Variants in PPP1R9A observed in about 807,000 individuals in gnomAD.
PPP1R9A encodes protein phosphatase 1 regulatory subunit 9A, also known as neurabin-1.
PPP1R9A carries 59 observed loss-of-function variants against 141.9 expected under a neutral mutation model. The observed-to-expected ratio is 0.42, with a 90% CI of 0.34 to 0.52. The LOEUF (loss-of-function observed/expected upper bound fraction) is 0.52, where lower values mean the gene tolerates loss of function less well. Ranked by LOEUF, PPP1R9A falls within the 20% of genes least tolerant of loss-of-function variation. The probability of loss-of-function intolerance (pLI) is 0.10; values close to 1 mark genes in which losing one functional copy is unlikely to be tolerated. For synonymous variants in PPP1R9A, 500 were observed against 569.7 expected, an observed-to-expected ratio of 0.88 and a Z score of 1.74; for missense variants, 1,444 against 1,611.9, an observed-to-expected ratio of 0.90 and a Z score of 1.78.
At chr7:95,103,317 T>C (rs1376992213) in intron 2 of PPP1R9A, among the ~76,000 whole-genome samples, 1 of 150,824 alleles carries the variant, frequency 6.6e-6, no homozygotes, top group South Asian at 2.1e-4. Context: ...ACTAGCATGC[T>C]CTCTACCTCC....
chr7:95,254,946 C>G (rs936734772), intron 12 of PPP1R9A, among the ~76,000 whole-genome samples: 1 of 152,078 alleles, frequency 6.6e-6, no homozygotes, highest in South Asian at 2.1e-4. Flanking sequence ...TGATAACAAT[C>G]ATCAGTACAA....
At chr7:94,957,176 C>T (rs976480443) in intron 2 of PPP1R9A, among the ~76,000 whole-genome samples, 22 of 152,104 alleles carry the variant, frequency 1.4e-4, no homozygotes, top group African/African-American at 5.3e-4. Flanking sequence ...TCTTAAGGCA[C>T]TGCATCAGAT....
chr7:95,195,218 G>C (rs964843867), intron 5 of PPP1R9A, among the ~76,000 whole-genome samples: 2 of 149,956 alleles, frequency 1.3e-5, no homozygotes, highest in Admixed American at 6.6e-5. Context: ...AGAAAAATAG[G>C]AGAAAATCTT....
chr7:95,055,591 AT>A (rs1811397306), intron 2 of PPP1R9A, among the ~76,000 whole-genome samples: 1 of 152,158 alleles, frequency 6.6e-6, no homozygotes, highest in South Asian at 2.1e-4. Flanking sequence ...ATGTTTGCCA[AT>A]AACCTTTAGT....
intron 5 of PPP1R9A, among the ~76,000 whole-genome samples, chr7:95,188,675 T>G (rs1158922903): frequency 1.3e-5 from 2 of 150,834 alleles, no homozygotes; most frequent in Non-Finnish European, 3.0e-5. Context: ...CTCGGCTCAC[T>G]GTAACCTCTG....
intron 2 of PPP1R9A, among the ~76,000 whole-genome samples, chr7:94,940,816 G>A (rs971248190): frequency 1.3e-5 from 2 of 151,894 alleles, no homozygotes; most frequent in Non-Finnish European, 2.9e-5. Flanking sequence ...TTTTAGAATA[G>A]GAAAAATCTT....
At chr7:95,025,615 GC>G (rs1806713053) in intron 2 of PPP1R9A, among the ~76,000 whole-genome samples, 1 of 152,044 alleles carries the variant, frequency 6.6e-6, no homozygotes, top group South Asian at 2.1e-4. Flanking sequence ...TTAAATGTTG[GC>G]CTGTCTTGCT....
intron 5 of PPP1R9A, among the ~76,000 whole-genome samples, chr7:95,191,434 C>G (rs1237006587): frequency 6.6e-6 from 1 of 152,146 alleles, no homozygotes; most frequent in Non-Finnish European, 1.5e-5. Context: ...ATTAGCATAT[C>G]TATGATCTCA....
intron 19 of PPP1R9A, among the ~76,000 whole-genome samples, chr7:95,288,998 C>G (rs1226396732): frequency 1.3e-5 from 2 of 152,166 alleles, no homozygotes; most frequent in Non-Finnish European, 2.9e-5. Flanking sequence ...ACTCTCCTTA[C>G]ATCTGATGTA....
chr7:95,019,929 A>G (rs1236025821), intron 2 of PPP1R9A, among the ~76,000 whole-genome samples: 6 of 152,184 alleles, frequency 3.9e-5, no homozygotes, highest in African/African-American at 1.2e-4. Flanking sequence ...TTCATTTGCA[A>G]TAGCCAAAAC....
At chr7:95,146,283 C>A (rs564640699) in intron 4 of PPP1R9A, among the ~76,000 whole-genome samples, 3 of 152,184 alleles carry the variant, frequency 2.0e-5, no homozygotes, top group African/African-American at 7.2e-5. Flanking sequence ...AGTTTTTTGG[C>A]CACATAAATG....
At chr7:95,080,157 T>A (rs1389860729) in intron 2 of PPP1R9A, among the ~76,000 whole-genome samples, 1 of 152,248 alleles carries the variant, frequency 6.6e-6, no homozygotes, top group African/African-American at 2.4e-5. Context: ...TGTCCCTGTT[T>A]GCAGATGACA....
intron 5 of PPP1R9A, among the ~76,000 whole-genome samples, chr7:95,190,027 C>T (rs1367109274): frequency 6.6e-6 from 1 of 152,094 alleles, no homozygotes; most frequent in Non-Finnish European, 1.5e-5. Flanking sequence ...AGTAATCAAC[C>T]TTCTGAATTC....
chr7:95,039,704 A>G (rs1435542821), intron 2 of PPP1R9A, among the ~76,000 whole-genome samples: 1 of 151,878 alleles, frequency 6.6e-6, no homozygotes, highest in Non-Finnish European at 1.5e-5. Context: ...AGCTTCCCAA[A>G]TTGAAATGTA....
At chr7:95,081,813 A>T (rs1210627131) in intron 2 of PPP1R9A, among the ~76,000 whole-genome samples, 1 of 152,190 alleles carries the variant, frequency 6.6e-6, no homozygotes, top group Admixed American at 6.5e-5. Context: ...ATTTAAGGAA[A>T]ATGACCATAA....
intron 7 of PPP1R9A, among the ~76,000 whole-genome samples, chr7:95,215,731 A>G (rs1006923481): frequency 6.6e-6 from 1 of 152,186 alleles, no homozygotes; most frequent in Non-Finnish European, 1.5e-5. Context: ...AGTGATGATG[A>G]GCATTTTTTC....
At chr7:95,073,533 A>G (rs1814313936) in intron 2 of PPP1R9A, among the ~76,000 whole-genome samples, 1 of 151,172 alleles carries the variant, frequency 6.6e-6, no homozygotes, top group South Asian at 2.1e-4. Context: ...ATTGATGCTT[A>G]TCCCAATTGT....
Position 95,196,176 on chromosome 7 carries a change from A to G in PPP1R9A, c.1755-2173A>G, listed in dbSNP as rs549349119. On this transcript the variant is annotated intron_variant, in intron 5 of 19. Coordinates refer to ENST00000433360, the MANE Select transcript of PPP1R9A (RefSeq NM_001166160.2). The stretch of plus-strand genomic sequence containing the variant: ...TTTCAGTAATGGGTAAAACAGTTGA[A>G]AAGATATTTCACTGCAGAAGATATG... Among the ~76,000 whole-genome samples, 344 of 152,302 alleles carry G rather than the reference A, an allele frequency of 2.3e-3. 2 individuals carry two copies. The highest frequency in any genetic ancestry group is 7.9e-3 in the African/African-American group (328 of 41,568).
intron 4 of PPP1R9A, among the ~76,000 whole-genome samples, chr7:95,152,325 T>A (rs934577421): frequency 3.9e-5 from 6 of 152,132 alleles, no homozygotes; most frequent in Non-Finnish European, 7.4e-5. Flanking sequence ...CCAGGTAAAT[T>A]GTTATTTTGA....
Sources: gnomAD v4.1 joint callset for allele counts (sites outside exome capture counted in the v4.1 genomes callset) on GRCh38, gnomAD v4.1.1 for gene constraint, MANE v1.5 for transcripts, NCBI Gene and HGNC (gene_info 2026-07-23, HGNC 2026-07-21) for gene names.